Variants in PTPN13 observed in about 807,000 individuals in gnomAD.
PTPN13 encodes tyrosine-protein phosphatase non-receptor type 13.
In PTPN13, 191 loss-of-function variants were observed where a neutral mutation model predicts 284.0. That is an observed-to-expected ratio of 0.67 (90% CI 0.60 to 0.76). The LOEUF (loss-of-function observed/expected upper bound fraction) is 0.76. PTPN13 is among the 30% of genes least tolerant of loss of function. PTPN13 has a pLI of 0.00. For missense variants in PTPN13, 2,797 were observed against 2,939.9 expected, an observed-to-expected ratio of 0.95 and a Z score of 1.12; for synonymous variants, 986 against 1,022.3, an observed-to-expected ratio of 0.96 and a Z score of 0.68.
intron 3 of PTPN13, among the ~76,000 whole-genome samples, chr4:86,673,960 G>C (rs938136932): frequency 2.6e-5 from 4 of 152,142 alleles, no homozygotes; most frequent in African/African-American, 9.7e-5. Context: ...GCCTGCCTCG[G>C]CCTCCCAAAG....
intron 31 of PTPN13, 34 bp downstream of exon 31, chr4:86,771,569 A>G (rs1375494154): frequency 1.3e-6 from 2 of 1,516,254 alleles, no homozygotes; most frequent in Non-Finnish European, 1.8e-6. Context: ...GCTCAAAGCA[A>G]CTGGTTGTTG....
chr4:86,657,311 C>T (rs764968588), intron 2 of PTPN13, among the ~76,000 whole-genome samples: 25 of 152,230 alleles, frequency 1.6e-4, no homozygotes, highest in Non-Finnish European at 3.4e-4. Context: ...TTCTGCGTCG[C>T]TCACGCTGGG....
chr4:86,609,833 G>C (rs1353642281), intron 1 of PTPN13, among the ~76,000 whole-genome samples: 3 of 152,052 alleles, frequency 2.0e-5, no homozygotes, highest in Non-Finnish European at 4.4e-5. Context: ...CAAATATTGG[G>C]TACAACCGAA....
rs150489019 is a variant in PTPN13, at chr4:86,618,903, A to G, written c.-5-16349A>G. Among the ~76,000 whole-genome samples, 914 of 152,222 alleles carry G rather than the reference A, an allele frequency of 6.0e-3. 13 individuals carry two copies. The highest frequency in any genetic ancestry group is 0.021 in the African/African-American group (853 of 41,536). ...GACAATTTGACTTCCTCTTTTCCTA[A>G]TTGAATACCCTTTATTTCCTTCTCC... is the stretch of plus-strand genomic sequence containing the variant. On this transcript the variant is annotated intron_variant, in intron 1 of 47. Coordinates refer to ENST00000411767, the MANE Select transcript of PTPN13 (RefSeq NM_080683.3).
Position 86,799,222 on chromosome 4 carries a change from A to C in PTPN13, c.6505+18A>C. 7.0e-7 allele frequency: 1 copy of C among 1,423,082 alleles called. No homozygotes were observed. Among genetic ancestry groups the C allele is most frequent in the Non-Finnish European group, 9.5e-7 (1 of 1,049,268 alleles). 88.2% of individuals were successfully genotyped at this position (1,423,082 alleles called of 1,614,324 possible). On this transcript the variant is annotated intron_variant, in intron 42 of 47. Coordinates refer to ENST00000411767, the MANE Select transcript of PTPN13 (RefSeq NM_080683.3). ...TGATAAAGGCAAGAATTTTAATGAC[A>C]GTTTTTTCCTCAAAAATAATGAATT...
intron 1 of PTPN13, among the ~76,000 whole-genome samples, chr4:86,600,977 A>G (rs1321392634): frequency 6.6e-6 from 1 of 152,036 alleles, no homozygotes; most frequent in African/African-American, 2.4e-5. Context: ...ATGTAATTTC[A>G]TGAAATTATT....
intron 2 of PTPN13, among the ~76,000 whole-genome samples, chr4:86,655,536 A>G (rs949755178): frequency 5.3e-5 from 8 of 152,206 alleles, no homozygotes; most frequent in African/African-American, 1.9e-4. Flanking sequence ...TCTGGGTTGA[A>G]AATTCTTTTC....
intron 3 of PTPN13, among the ~76,000 whole-genome samples, chr4:86,686,165 G>C (rs572687588): frequency 6.6e-6 from 1 of 152,148 alleles, no homozygotes; most frequent in East Asian, 1.9e-4. Context: ...AATTCAAGAC[G>C]AGCCTGGCCA....
intron 7 of PTPN13, among the ~76,000 whole-genome samples, chr4:86,709,907 C>A (rs1186178150): frequency 1.3e-5 from 2 of 152,114 alleles, no homozygotes; most frequent in Non-Finnish European, 2.9e-5. Flanking sequence ...TTCATATATC[C>A]TTCTTTACTT....
chr4:86,720,355 G>T (rs552810804), intron 9 of PTPN13, among the ~76,000 whole-genome samples: 1 of 151,988 alleles, frequency 6.6e-6, no homozygotes, highest in Non-Finnish European at 1.5e-5. Flanking sequence ...CATTAAGGCC[G>T]CCATATTTGT....
At chr4:86,744,085 T>C (rs1333970278) in intron 16 of PTPN13, among the ~76,000 whole-genome samples, 1 of 152,204 alleles carries the variant, frequency 6.6e-6, no homozygotes, top group Non-Finnish European at 1.5e-5. Context: ...TAAAACTGAT[T>C]TGATGATTCT....
intron 2 of PTPN13, among the ~76,000 whole-genome samples, chr4:86,666,597 G>A (rs1440081768): frequency 6.6e-6 from 1 of 152,120 alleles, no homozygotes; most frequent in Non-Finnish European, 1.5e-5. Flanking sequence ...TGAAAACAGG[G>A]TTACAAAAAC....
chr4:86,788,248 AAAG>A (rs1742216486), intron 40 of PTPN13, among the ~76,000 whole-genome samples: 1 of 152,204 alleles, frequency 6.6e-6, no homozygotes, highest in Non-Finnish European at 1.5e-5. Flanking sequence ...CCCTAGCTGA[AAAG>A]AAGACCAAGC....
chr4:86,637,056 C>T (rs1188363925), intron 2 of PTPN13, among the ~76,000 whole-genome samples: 12 of 152,132 alleles, frequency 7.9e-5, no homozygotes, highest in Middle Eastern at 3.4e-3. Context: ...AATACCTCTA[C>T]GCAAATAAAC....
chr4:86,758,431 G>A (rs2149233403), intron 21 of PTPN13, 82 bp downstream of exon 21: 2 of 1,183,950 alleles, frequency 1.7e-6, no homozygotes, highest in Non-Finnish European at 2.4e-6. Flanking sequence ...TGGCATTGCA[G>A]TGCCAGCTCA....
At chr4:86,806,261 G>A (rs1401400296) in intron 44 of PTPN13, among the ~76,000 whole-genome samples, 1 of 151,624 alleles carries the variant, frequency 6.6e-6, no homozygotes, top group Non-Finnish European at 1.5e-5. Context: ...GTATGAATGT[G>A]TGTGCCAAAA....
At chr4:86,810,012 C>G (rs745846571) in intron 46 of PTPN13, 28 bp downstream of exon 46, 100 of 1,572,170 alleles carry the variant, frequency 6.4e-5, no homozygotes, top group Admixed American at 2.8e-4. Flanking sequence ...GCTGAGTAAG[C>G]ATTTGTTCAG....
intron 3 of PTPN13, among the ~76,000 whole-genome samples, chr4:86,683,021 C>G (rs745638763): frequency 1.3e-5 from 2 of 152,030 alleles, no homozygotes; most frequent in Non-Finnish European, 2.9e-5. Context: ...AAGTGTGGAA[C>G]CCATATAAAG....
chr4:86,763,114 A>G lies in PTPN13; in HGVS notation c.3941A>G (p.Asp1314Gly). 1 of 1,613,944 alleles carries G rather than the reference A, an allele frequency of 6.2e-7. No individual in the cohort carries two copies. Among genetic ancestry groups the G allele is most frequent in the Non-Finnish European group, 8.5e-7 (1 of 1,179,876 alleles). ...AAGCCAGGCATTTCTGATGTAACTG[A>G]TTACTCAGACCGTGGAGATTCAGAC... Reference protein sequence around the residue: ...TKKPGISDVTDYSDRGDSDMD... With the variant: ...TKKPGISDVTGYSDRGDSDMD... Residue 1314 changes from aspartate to glycine, a missense_variant, in exon 24 of 48, where the codon GAT becomes GGT. Physicochemically the swap from Asp to Gly is moderately conservative, Grantham distance 94 (BLOSUM62 -1). Coordinates refer to ENST00000411767, the MANE Select transcript of PTPN13 (RefSeq NM_080683.3).
Sources: gnomAD v4.1 joint callset for allele counts (sites outside exome capture counted in the v4.1 genomes callset) on GRCh38, gnomAD v4.1.1 for gene constraint, MANE v1.5 for transcripts, NCBI Gene and HGNC (gene_info 2026-07-23, HGNC 2026-07-21) for gene names.